TBL1XR1: variants seen among roughly 807,000 people sequenced by gnomAD.
TBL1XR1 encodes the protein F-box-like/WD repeat-containing protein TBL1XR1.
TBL1XR1 carries 5 observed loss-of-function variants against 66.9 expected under a neutral mutation model. That is an observed-to-expected ratio of 0.07 (90% CI 0.04 to 0.16). TBL1XR1 has a LOEUF of 0.16. TBL1XR1 is among the 10% of genes least tolerant of loss of function. The probability of loss-of-function intolerance (pLI) is 1.00; values close to 1 mark genes in which losing one functional copy is unlikely to be tolerated. For missense variants in TBL1XR1, 238 were observed against 623.2 expected, an observed-to-expected ratio of 0.38 and a Z score of 6.58; for synonymous variants, 210 against 206.0, an observed-to-expected ratio of 1.02 and a Z score of -0.17.
intron 1 of TBL1XR1, among the ~76,000 whole-genome samples, chr3:177,101,543 C>T (rs1724213970): frequency 6.6e-6 from 1 of 152,078 alleles, no homozygotes; most frequent in African/African-American, 2.4e-5. Flanking sequence ...TGGGACTGGC[C>T]ACTTTATAAG....
rs1037272652 is a variant in TBL1XR1 at position 177,180,366 on chromosome 3, G to A, written c.-122+16755C>T. Among the ~76,000 whole-genome samples the A allele has an allele frequency of 9.0e-5, 8 of 88,794 alleles. 1 individual carries two copies. Among genetic ancestry groups the A allele is most frequent in the Admixed American group, 1.5e-4 (1 of 6,780 alleles). The allele number at this position is 88,794 out of a possible 152,430, so 58.3% of individuals were successfully genotyped here. ...AAAAAAGGGAAAAGCCCATAAATAC[G>A]TTCATTCCCCCCCCCCCCATTTAAT... On this transcript the variant is annotated intron_variant, in intron 1 of 15. Coordinates refer to ENST00000457928, the MANE Select transcript of TBL1XR1 (RefSeq NM_024665.7).
intron 2 of TBL1XR1, among the ~76,000 whole-genome samples, chr3:177,082,738 T>TTATATATATATATATAAATATATATA (rs1721568802): frequency 1.6e-5 from 1 of 63,234 alleles, no homozygotes; most frequent in Non-Finnish European, 3.0e-5. Context: ...AAGATAGAGA[T>TTATATATATATATATAAATATATATA]TATATATATA....
chr3:177,058,178 G>A (rs1718049472), intron 3 of TBL1XR1, among the ~76,000 whole-genome samples: 1 of 152,164 alleles, frequency 6.6e-6, no homozygotes, highest in African/African-American at 2.4e-5. Context: ...TACTGCCCTA[G>A]TCTGAAACGA....
At chr3:177,179,794 C>T (rs896773511) in intron 1 of TBL1XR1, among the ~76,000 whole-genome samples, 2 of 152,020 alleles carry the variant, frequency 1.3e-5, no homozygotes, top group African/African-American at 4.8e-5. Context: ...GCCAACCAAC[C>T]GATATATCTA....
At chr3:177,075,105 T>A (rs1720526737) in intron 2 of TBL1XR1, among the ~76,000 whole-genome samples, 1 of 152,246 alleles carries the variant, frequency 6.6e-6, no homozygotes, top group African/African-American at 2.4e-5. Flanking sequence ...CTCATAGTTC[T>A]ATGGCTAGAA....
At position 177,174,432 on chromosome 3, in the gene TBL1XR1, G is replaced by T. The variant is rs377227037; in HGVS notation, c.-122+22689C>A. ...TCAAAAAAAAAAAAAAAAAAAAAAG[G>T]TTATGATGATGACAAAGGATTCCTC... is the stretch of plus-strand genomic sequence containing the variant. On this transcript the variant is annotated intron_variant, in intron 1 of 15. Coordinates refer to ENST00000457928, the MANE Select transcript of TBL1XR1 (RefSeq NM_024665.7). Among the ~76,000 whole-genome samples the T allele has an allele frequency of 8.9e-4, 103 of 116,048 alleles. 1 individual carries two copies. Among genetic ancestry groups the T allele is most frequent in the African/African-American group, 3.2e-3 (99 of 30,488 alleles). The allele number at this position is 116,048 out of a possible 152,430, so 76.1% of individuals were successfully genotyped here. A position where few individuals can be genotyped will look rare whatever the true frequency, so the allele number is the denominator to read the frequency against.
chr3:177,054,081 C>CGT (rs748978933), intron 3 of TBL1XR1, among the ~76,000 whole-genome samples, 163 bp from the exon 4 acceptor site: 6 of 150,368 alleles, frequency 4.0e-5, no homozygotes, highest in East Asian at 3.9e-4. Context: ...TGTGCGCGCG[C>CGT]GTGTGTGTGC....
chr3:177,038,242 A>G (rs768196817), intron 11 of TBL1XR1, 70 bp from the exon 12 acceptor site: 146 of 1,598,284 alleles, frequency 9.1e-5, no homozygotes, highest in Non-Finnish European at 1.2e-4. Flanking sequence ...TTAAACATAC[A>G]TACTTTAAAA....
In TBL1XR1 at chr3:177,024,216, T is replaced by G. The variant is rs1344418809; in HGVS notation, c.*1282A>C. 2 of 152,542 alleles carry G rather than the reference T, an allele frequency of 1.3e-5. No homozygotes were observed. Among genetic ancestry groups the G allele is most frequent in the African/African-American group, 2.4e-5 (1 of 41,454 alleles). The allele number at this position is 152,542 out of a possible 1,614,324, so 9.4% of individuals were successfully genotyped here. On this transcript the variant is annotated 3_prime_UTR_variant, in exon 16 of 16. Coordinates refer to ENST00000457928, the MANE Select transcript of TBL1XR1 (RefSeq NM_024665.7). ...GAAGGTTAGTGCAATTATACTTTCA[T>G]TAAAAAAAATTCTGAATCACTGCTA...
At chr3:177,026,637 C>G in intron 14 of TBL1XR1, 163 bp from the exon 15 acceptor site, 1 of 554,724 alleles carries the variant, frequency 1.8e-6, no homozygotes, top group Non-Finnish European at 3.1e-6. Context: ...TAATATGATC[C>G]CTTTACAAAA....
At chr3:177,055,012 T>C (rs1304024262) in intron 3 of TBL1XR1, among the ~76,000 whole-genome samples, 2 of 152,210 alleles carry the variant, frequency 1.3e-5, no homozygotes, top group Non-Finnish European at 2.9e-5. Flanking sequence ...GTAATTTCTA[T>C]GAAGTATTTT....
intron 1 of TBL1XR1, among the ~76,000 whole-genome samples, chr3:177,179,294 C>CAA: frequency 6.6e-6 from 1 of 152,212 alleles, no homozygotes; most frequent in African/African-American, 2.4e-5. Context: ...GTACTTTGAG[C>CAA]TCGACTATTG....
intron 2 of TBL1XR1, among the ~76,000 whole-genome samples, chr3:177,074,070 C>T (rs1245412132): frequency 6.6e-6 from 1 of 152,164 alleles, no homozygotes; most frequent in Admixed American, 6.5e-5. Context: ...ACATACTCAA[C>T]CTGTTTGCTA....
At chr3:177,095,086 T>C (rs916780954) in intron 2 of TBL1XR1, among the ~76,000 whole-genome samples, 3 of 150,866 alleles carry the variant, frequency 2.0e-5, no homozygotes, top group Non-Finnish European at 3.0e-5. Context: ...AGATGAATCA[T>C]CACGAGATTA....
At chr3:177,058,255 T>C (rs941556677) in intron 3 of TBL1XR1, among the ~76,000 whole-genome samples, 1 of 152,204 alleles carries the variant, frequency 6.6e-6, no homozygotes, top group African/African-American at 2.4e-5. Context: ...TATACTCATG[T>C]TCTCATCATC....
chr3:177,052,231 G>A (rs1423829292), intron 4 of TBL1XR1, among the ~76,000 whole-genome samples: 2 of 152,184 alleles, frequency 1.3e-5, no homozygotes, highest in Admixed American at 6.5e-5. Flanking sequence ...ATATTAGGGA[G>A]TTATTAAAAT....
chr3:177,055,983 C>A (rs1717754144), intron 3 of TBL1XR1, among the ~76,000 whole-genome samples: 2 of 152,194 alleles, frequency 1.3e-5, no homozygotes, highest in Non-Finnish European at 2.9e-5. Flanking sequence ...TTCAGAGACT[C>A]TACTACTCCT....
At chr3:177,064,028 A>G (rs1006791846) in intron 3 of TBL1XR1, among the ~76,000 whole-genome samples, 1 of 152,140 alleles carries the variant, frequency 6.6e-6, no homozygotes, top group African/African-American at 2.4e-5. Flanking sequence ...AAGTCTCAAA[A>G]CCATAAACTG....
intron 1 of TBL1XR1, among the ~76,000 whole-genome samples, chr3:177,189,507 T>A (rs555644357): frequency 6.6e-6 from 1 of 151,736 alleles, no homozygotes; most frequent in South Asian, 2.1e-4. Flanking sequence ...ACAAAAAAAT[T>A]AGCCAGGCGT....
Sources: allele counts gnomAD v4.1 joint callset (sites outside exome capture counted in the v4.1 genomes callset), GRCh38; gene constraint gnomAD v4.1.1; transcripts MANE v1.5; gene names NCBI Gene and HGNC (gene_info 2026-07-23, HGNC 2026-07-21).